Variants in GALNT9 observed in about 807,000 individuals in gnomAD.
GALNT9 encodes the protein GalNAc transferase 9.
GALNT9 carries 47 observed loss-of-function variants against 63.1 expected under a neutral mutation model. That is an observed-to-expected ratio of 0.75 (90% CI 0.59 to 0.95). GALNT9 has a LOEUF of 0.95. Ranked by LOEUF, GALNT9 falls within the 40% of genes least tolerant of loss-of-function variation. GALNT9 has a pLI of 0.00. For synonymous variants in GALNT9, 396 were observed against 365.7 expected (o/e 1.08, Z -0.94); for missense variants, 829 against 874.8 (o/e 0.95, Z 0.66).
Position 132,319,579 on chromosome 12 carries a change from C to T in GALNT9, c.238+9387G>A, listed in dbSNP as rs1555245957. Among the ~76,000 whole-genome samples the T allele has an allele frequency of 6.6e-6, 1 of 152,188 alleles. No homozygotes were observed. The highest frequency in any genetic ancestry group is 1.5e-5 in the Non-Finnish European group (1 of 68,032). On this transcript the variant is annotated intron_variant, in intron 1 of 10. Coordinates refer to ENST00000328957, the MANE Select transcript of GALNT9 (RefSeq NM_001122636.2). This position sits in a 1 kb window ranked among gnomAD's most constrained non-coding sequence, Gnocchi z 5.2. ...AGCCAATCCTCACCCTACATCTCCT[C>T]TTGGGTCTCTCTCTATCCGCCGGCT... is the stretch of plus-strand genomic sequence containing the variant.
Position 132,199,091 on chromosome 12 carries a change from G to A in GALNT9, c.1497+83C>T, listed in dbSNP as rs1030223918. The A allele has an allele frequency of 4.7e-5, 42 of 895,648 alleles. 1 individual carries two copies. Among genetic ancestry groups the A allele is most frequent in the East Asian group, 2.0e-4 (8 of 40,266 alleles). 55.5% of individuals were successfully genotyped at this position (895,648 alleles called of 1,614,324 possible). On this transcript the variant is annotated intron_variant, in intron 9 of 10. Transcript: ENST00000328957. ...CAGAACACCCCAGCAGGCTGGACCC[G>A]TGCCTCTGCCCCAGGGTGTAGGGTC...
intron 2 of GALNT9, among the ~76,000 whole-genome samples, chr12:132,271,827 G>T (rs1555240756): frequency 6.6e-6 from 1 of 152,052 alleles, no homozygotes; most frequent in Non-Finnish European, 1.5e-5. Flanking sequence ...CGCGTGGGAG[G>T]CCGTGGCTGC....
rs61745417 is a variant in GALNT9 at position 132,199,207 on chromosome 12, C to G, written c.1464G>C (p.Ala488=). The change falls in exon 9 of 11, where the codon GCG becomes GCC. Residue 488 remains alanine (A), a synonymous_variant. Transcript: ENST00000328957. Reference sequence around the variant, plus strand: ...ACATCCCGTGGCAGGGGTAGAGGATCGCCCGGTCGCCGTCCTCCGCTCCCT... The same window carrying G: ...ACATCCCGTGGCAGGGGTAGAGGATGGCCCGGTCGCCGTCCTCCGCTCCCT... ...LDQGAEDGDR[A]ILYPCHGMSS... 6 of 1,603,618 alleles carry G rather than the reference C, an allele frequency of 3.7e-6. No homozygotes were observed. The highest frequency in any genetic ancestry group is 8.5e-7 in the Non-Finnish European group (1 of 1,179,188).
At chr12:132,294,236 C>T (rs1306764873) in intron 1 of GALNT9, among the ~76,000 whole-genome samples, 5 of 152,166 alleles carry the variant, frequency 3.3e-5, no homozygotes, top group African/African-American at 1.2e-4. Context: ...GTCCAATGAA[C>T]GAATGACTCT....
chr12:132,198,784 T>G (rs1273052319), intron 9 of GALNT9, among the ~76,000 whole-genome samples: 2 of 152,184 alleles, frequency 1.3e-5, no homozygotes, highest in Non-Finnish European at 2.9e-5. Context: ...CCCGAGCAGC[T>G]GGGAATACGG....
At chr12:132,206,471 AC>A (rs1220550638) in intron 6 of GALNT9, among the ~76,000 whole-genome samples, 8 of 152,096 alleles carry the variant, frequency 5.3e-5, no homozygotes, top group Non-Finnish European at 1.2e-4. Context: ...ACATGATGAA[AC>A]CCCATGTCTA....
intron 1 of GALNT9, among the ~76,000 whole-genome samples, chr12:132,301,395 G>A (rs1881290866): frequency 6.6e-6 from 1 of 152,384 alleles, no homozygotes; most frequent in Admixed American, 6.5e-5. Context: ...AAGTGCTGCT[G>A]TGGTGGGCAC....
At chr12:132,308,524 A>C (rs1881695190) in intron 1 of GALNT9, among the ~76,000 whole-genome samples, 1 of 148,858 alleles carries the variant, frequency 6.7e-6, no homozygotes, top group South Asian at 2.2e-4. Flanking sequence ...TGCTAAAGGC[A>C]GGGGGAGGCC....
intron 1 of GALNT9, among the ~76,000 whole-genome samples, chr12:132,323,021 T>C (rs1327767634): frequency 6.6e-6 from 1 of 152,192 alleles, no homozygotes; most frequent in Non-Finnish European, 1.5e-5. Context: ...GCCTCCCGGC[T>C]TCTCCACCTC....
chr12:132,289,621 C>T (rs1423950776), intron 1 of GALNT9, among the ~76,000 whole-genome samples: 1 of 152,224 alleles, frequency 6.6e-6, no homozygotes, highest in Non-Finnish European at 1.5e-5. Context: ...GGTTAGGGGA[C>T]ACCCCAGCCA....
intron 1 of GALNT9, among the ~76,000 whole-genome samples, chr12:132,300,966 G>C (rs992236564): frequency 1.1e-4 from 16 of 152,260 alleles, no homozygotes; most frequent in African/African-American, 3.6e-4. Context: ...TTCCCATGTG[G>C]GGGCAGCGGG....
At chr12:132,235,460 C>T (rs1156525541) in intron 6 of GALNT9, among the ~76,000 whole-genome samples, 5 of 152,006 alleles carry the variant, frequency 3.3e-5, no homozygotes, top group Non-Finnish European at 7.4e-5. Context: ...GCACCGGCTG[C>T]GGGAACTGGA....
In GALNT9 at chr12:132,246,944, G is replaced by A. The variant is rs921119097; in HGVS notation, c.1077+966C>T. On this transcript the variant is annotated intron_variant, in intron 6 of 10. Transcript: ENST00000328957. This position sits in a 1 kb window ranked among gnomAD's most constrained non-coding sequence, Gnocchi z 4.7. ...GATAGTACGATCTTTAAAGTGAACC[G>A]CAAGCTTACAGCACAGGTTTTGAAA... Among the ~76,000 whole-genome samples, 7 of 152,168 alleles carry A rather than the reference G, an allele frequency of 4.6e-5. No homozygotes were observed. Among genetic ancestry groups the A allele is most frequent in the Non-Finnish European group, 8.8e-5 (6 of 68,036 alleles).
At chr12:132,210,430 T>C (rs1056580728) in intron 6 of GALNT9, among the ~76,000 whole-genome samples, 2 of 152,122 alleles carry the variant, frequency 1.3e-5, no homozygotes, top group Non-Finnish European at 2.9e-5. Flanking sequence ...ATCGTGAAAC[T>C]GTCATCTAGA....
At chr12:132,311,482 C>T (rs782385210) in intron 1 of GALNT9, among the ~76,000 whole-genome samples, 2 of 152,188 alleles carry the variant, frequency 1.3e-5, no homozygotes, top group Non-Finnish European at 1.5e-5. Flanking sequence ...GAGGGGAGTG[C>T]CTCCAGCCTA....
At chr12:132,257,485 GGCCCTCGTCCTCAT>G (rs1879171928) in intron 5 of GALNT9, among the ~76,000 whole-genome samples, 190 bp downstream of exon 5, 1 of 102,442 alleles carries the variant, frequency 9.8e-6, no homozygotes, top group Admixed American at 9.9e-5. Context: ...CCTCGTCCCC[GGCCCTCGTCCTCAT>G]GCCCTCATCC....
intron 2 of GALNT9, among the ~76,000 whole-genome samples, chr12:132,270,349 G>A (rs973019256): frequency 3.1e-4 from 47 of 152,176 alleles, no homozygotes; most frequent in Admixed American, 1.4e-3. Context: ...GGCAAAGGCC[G>A]GCACAGAATC....
chr12:132,225,271 A>C, intron 6 of GALNT9, among the ~76,000 whole-genome samples: 3 of 98,198 alleles, frequency 3.1e-5, no homozygotes, highest in African/African-American at 4.1e-5. Flanking sequence ...CACACACCAC[A>C]CAACCCACCC....
In GALNT9 at chr12:132,319,747, C is replaced by T. The variant is rs1357533199; in HGVS notation, c.238+9219G>A. On this transcript the variant is annotated intron_variant, in intron 1 of 10. Coordinates refer to ENST00000328957, the MANE Select transcript of GALNT9 (RefSeq NM_001122636.2). This position sits in a 1 kb window ranked among gnomAD's most constrained non-coding sequence, Gnocchi z 5.2. The stretch of plus-strand genomic sequence containing the variant: ...CACGCGGCCACAGGTCACCTCAGGT[C>T]GCCTCGGGTGCTCCTCCCGCAGCCC... Among the ~76,000 whole-genome samples, 3 of 152,220 alleles carry T rather than the reference C, an allele frequency of 2.0e-5. No homozygotes were observed. Among genetic ancestry groups the T allele is most frequent in the South Asian group, 2.1e-4 (1 of 4,836 alleles).
Sources: allele counts gnomAD v4.1 joint callset (sites outside exome capture counted in the v4.1 genomes callset), GRCh38; gene constraint gnomAD v4.1.1; non-coding constraint Gnocchi (gnomAD v3.1); transcripts MANE v1.5; gene names NCBI Gene and HGNC (gene_info 2026-07-23, HGNC 2026-07-21).